USP6NL: variants seen among roughly 807,000 people sequenced by gnomAD.
The protein encoded by USP6NL is USP6 N-terminal-like protein.
USP6NL carries 26 observed loss-of-function variants against 61.9 expected under a neutral mutation model. The ratio of observed to expected loss-of-function variants is 0.42; its 90% confidence interval spans 0.31 to 0.58. The LOEUF is 0.58. USP6NL is among the 20% of genes least tolerant of loss of function. The pLI, the probability that USP6NL is intolerant of heterozygous loss-of-function variation, is 0.16. For synonymous variants in USP6NL, 432 were observed against 390.1 expected, an observed-to-expected ratio of 1.11 and a Z score of -1.27; for missense variants, 1,114 against 1,034.3, an observed-to-expected ratio of 1.08 and a Z score of -1.06.
intron 2 of USP6NL, among the ~76,000 whole-genome samples, chr10:11,530,481 G>A (rs1033384580): frequency 6.6e-6 from 1 of 152,188 alleles, no homozygotes; most frequent in South Asian, 2.1e-4. Context: ...ATTGGAATTG[G>A]ATGAAATTGC....
intron 2 of USP6NL, among the ~76,000 whole-genome samples, chr10:11,584,552 C>G (rs1005017658): frequency 6.6e-6 from 1 of 152,184 alleles, no homozygotes; most frequent in Non-Finnish European, 1.5e-5. Flanking sequence ...CTCTTCCCCC[C>G]TTTCTGAAAC....
At chr10:11,493,291 A>T (rs926226131) in intron 7 of USP6NL, 63 bp from the exon 8 acceptor site, 2 of 1,377,800 alleles carry the variant, frequency 1.5e-6, no homozygotes, top group Non-Finnish European at 2.0e-6. Context: ...AAACTCTATG[A>T]CAAATAATAA....
chr10:11,586,015 C>T (rs1837948466), intron 2 of USP6NL, among the ~76,000 whole-genome samples: 1 of 152,090 alleles, frequency 6.6e-6, no homozygotes, highest in African/African-American at 2.4e-5. Context: ...GGTTGCACAA[C>T]AATATTAATG....
Position 11,463,222 on chromosome 10 carries a change from A to G in USP6NL, c.1706T>C (p.Leu569Pro). 1 of 1,613,438 alleles carries G rather than the reference A, an allele frequency of 6.2e-7. No homozygotes were observed. The highest frequency in any genetic ancestry group is 1.1e-5 in the South Asian group (1 of 91,082). Residue 569 changes from leucine to proline, a missense_variant, in exon 15 of 15, where the codon CTG (leucine) becomes CCG (proline). Leu to Pro is a moderately conservative substitution (Grantham distance 98). Coordinates refer to ENST00000609104, the MANE Select transcript of USP6NL (RefSeq NM_014688.5). The surrounding 1 kb of genome is among the most constrained non-coding windows in gnomAD (Gnocchi z 6.3). ...GGGGCTCTGGGAGTAAGCCCTTTCCAGCGCCTCCTCCACGGAAGCGCCGCT... is the reference window on the plus strand; with the variant it reads ...GGGGCTCTGGGAGTAAGCCCTTTCCGGCGCCTCCTCCACGGAAGCGCCGCT... The part of the protein sequence containing the change: ...LDSGASVEEA[L>P]ERAYSQSPRH...
intron 2 of USP6NL, among the ~76,000 whole-genome samples, chr10:11,552,880 A>G (rs975914181): frequency 2.0e-5 from 3 of 152,088 alleles, no homozygotes; most frequent in Non-Finnish European, 4.4e-5. Flanking sequence ...ACATGGATAT[A>G]TTGTGTAGTG....
At chr10:11,557,981 G>A (rs1486174549) in intron 2 of USP6NL, among the ~76,000 whole-genome samples, 2 of 152,202 alleles carry the variant, frequency 1.3e-5, no homozygotes, top group African/African-American at 4.8e-5. Context: ...AGTCATCTAA[G>A]TGAATGAAGT....
intron 14 of USP6NL, among the ~76,000 whole-genome samples, chr10:11,471,215 C>T (rs139474315): frequency 6.6e-6 from 1 of 151,862 alleles, no homozygotes; most frequent in Non-Finnish European, 1.5e-5. Flanking sequence ...AAAAACACCA[C>T]CAACAACAAA....
chr10:11,518,583 G>A lies in USP6NL; in HGVS notation c.156-9C>T. ...CTGGGAGCTCCTCCTCACTGCAGAG[G>A]AAAAACAGTATTATATGAAATTGTT... On this transcript the variant is annotated splice_polypyrimidine_tract_variant and intron_variant, in intron 4 of 14. Coordinates refer to ENST00000609104, the MANE Select transcript of USP6NL (RefSeq NM_014688.5). This position sits in a 1 kb window ranked among gnomAD's most constrained non-coding sequence, Gnocchi z 5.3. 1 of 1,608,486 alleles carries A rather than the reference G, an allele frequency of 6.2e-7. No homozygotes were observed. The highest frequency in any genetic ancestry group is 8.5e-7 in the Non-Finnish European group (1 of 1,177,374).
chr10:11,469,370 A>G (rs753590842), intron 14 of USP6NL, among the ~76,000 whole-genome samples: 2 of 152,254 alleles, frequency 1.3e-5, no homozygotes, highest in Non-Finnish European at 2.9e-5. Flanking sequence ...CACACTGTCC[A>G]TATACACAGG....
At chr10:11,581,566 G>T (rs534960385) in intron 2 of USP6NL, among the ~76,000 whole-genome samples, 2 of 152,284 alleles carry the variant, frequency 1.3e-5, no homozygotes, top group East Asian at 3.9e-4. Context: ...GTAGATAAAT[G>T]AGATGAAAAA....
Position 11,532,058 on chromosome 10 carries a change from C to A in USP6NL, c.5-4491G>T. The A allele has an allele frequency of 5.5e-6, 4 of 728,594 alleles. No individual in the cohort carries two copies. Among genetic ancestry groups the A allele is most frequent in the Non-Finnish European group, 8.8e-6 (4 of 454,146 alleles). The allele number at this position is 728,594 out of a possible 1,614,324, so 45.1% of individuals were successfully genotyped here. The stretch of plus-strand genomic sequence containing the variant: ...ACCAAACTGCAATGAAAAATTCATA[C>A]AAAGTTACTAAGGTTCATTTCCAAT... On this transcript the variant is annotated intron_variant, in intron 2 of 14. Coordinates refer to ENST00000609104, the MANE Select transcript of USP6NL (RefSeq NM_014688.5). This position sits in a 1 kb window ranked among gnomAD's most constrained non-coding sequence, Gnocchi z 4.1.
chr10:11,469,107 A>C (rs900065802), intron 14 of USP6NL, among the ~76,000 whole-genome samples: 2 of 152,250 alleles, frequency 1.3e-5, no homozygotes, highest in African/African-American at 4.8e-5. Flanking sequence ...AACACGTTCC[A>C]TTTATTGAAT....
At chr10:11,603,375 T>G (rs1480831331) in intron 1 of USP6NL, among the ~76,000 whole-genome samples, 2 of 152,188 alleles carry the variant, frequency 1.3e-5, no homozygotes, top group Non-Finnish European at 2.9e-5. Context: ...CTATAATTAG[T>G]TTACATGGTA....
chr10:11,486,065 G>GTA (rs1833455224), intron 10 of USP6NL, among the ~76,000 whole-genome samples, 154 bp from the exon 11 acceptor site: 3 of 150,872 alleles, frequency 2.0e-5, no homozygotes, highest in African/African-American at 7.3e-5. Context: ...GGAAAAAACT[G>GTA]TATATAAGCT....
At chr10:11,610,160 T>A (rs142420894) in intron 1 of USP6NL, among the ~76,000 whole-genome samples, 41 of 152,350 alleles carry the variant, frequency 2.7e-4, no homozygotes, top group African/African-American at 9.6e-4. Context: ...AGTTAACTTA[T>A]ACTTTTATTA....
chr10:11,518,748 C>T lies in USP6NL; in HGVS notation c.156-174G>A, dbSNP rs4428977. ...TGATAGCTACTCTAGAACCACAGGG[C>T]CACCTATCTTCAAAATCCAGCCCTG... On this transcript the variant is annotated intron_variant, in intron 4 of 14. Transcript: ENST00000609104. The surrounding 1 kb of genome is among the most constrained non-coding windows in gnomAD (Gnocchi z 5.3). 0.11 allele frequency among the ~76,000 whole-genome samples: 17,230 copies of T among 152,232 alleles called. 1,287 individuals carry two copies. Among genetic ancestry groups the T allele is most frequent in the East Asian group, 0.16 (837 of 5,180 alleles).
In USP6NL at chr10:11,585,649, T is replaced by C. The variant is rs1178271395; in HGVS notation, c.4+11982A>G. On this transcript the variant is annotated intron_variant, in intron 2 of 14. Coordinates refer to ENST00000609104, the MANE Select transcript of USP6NL (RefSeq NM_014688.5). This position sits in a 1 kb window ranked among gnomAD's most constrained non-coding sequence, Gnocchi z 4.5. ...CTGCACTCCAGCCTGGGAAACAGAG[T>C]GAGACTCCATCTCAAAAATAAATAA... 6.6e-6 allele frequency among the ~76,000 whole-genome samples: 1 copy of C among 151,900 alleles called. No individual in the cohort carries two copies. Among genetic ancestry groups the C allele is most frequent in the Admixed American group, 6.6e-5 (1 of 15,254 alleles).
Position 11,587,801 on chromosome 10 carries a change from C to T in USP6NL, c.4+9830G>A, listed in dbSNP as rs77683506. On this transcript the variant is annotated intron_variant, in intron 2 of 14. Transcript: ENST00000609104. This position sits in a 1 kb window ranked among gnomAD's most constrained non-coding sequence, Gnocchi z 4.5. Reference sequence around the variant, plus strand: ...AAAGCCAAAAGCCGTCTCATTTCAACGCCATCTCATATTCTAGAAAATATT... The same window carrying T: ...AAAGCCAAAAGCCGTCTCATTTCAATGCCATCTCATATTCTAGAAAATATT... 3.3e-5 allele frequency among the ~76,000 whole-genome samples: 5 copies of T among 152,284 alleles called. No individual in the cohort carries two copies. The highest frequency in any genetic ancestry group is 1.9e-4 in the East Asian group (1 of 5,188).
At chr10:11,515,937 A>G (rs1311797993) in intron 5 of USP6NL, among the ~76,000 whole-genome samples, 4 of 152,180 alleles carry the variant, frequency 2.6e-5, no homozygotes, top group Non-Finnish European at 5.9e-5. Context: ...TTTGATATAA[A>G]TAGGTTCCAA....
Sources: allele counts gnomAD v4.1 joint callset (sites outside exome capture counted in the v4.1 genomes callset), GRCh38; gene constraint gnomAD v4.1.1; non-coding constraint Gnocchi (gnomAD v3.1); transcripts MANE v1.5; gene names NCBI Gene and HGNC (gene_info 2026-07-23, HGNC 2026-07-21).